Variants in ECHDC1 observed in about 807,000 individuals in gnomAD.
ECHDC1 encodes the protein ethylmalonyl-CoA decarboxylase 1.
Under a neutral mutation model 29.7 loss-of-function variants are expected in ECHDC1, and 29 were observed. The ratio of observed to expected loss-of-function variants is 0.98; its 90% confidence interval spans 0.73 to 1.33. ECHDC1 has a LOEUF of 1.33. ECHDC1 is among the 40% of genes most tolerant of loss of function. The pLI is 0.00. For synonymous variants in ECHDC1, 126 were observed against 123.1 expected (o/e 1.02, Z -0.15); for missense variants, 328 against 350.0 (o/e 0.94, Z 0.50).
intron 1 of ECHDC1, chr6:127,342,564 G>C: frequency 1.9e-6 from 1 of 533,358 alleles, no homozygotes; most frequent in East Asian, 3.0e-5. Flanking sequence ...TGTTCCAAGA[G>C]AATGCTAGCT....
At chr6:127,302,268 G>A (rs1026852807) in intron 5 of ECHDC1, among the ~76,000 whole-genome samples, 6 of 152,064 alleles carry the variant, frequency 3.9e-5, no homozygotes, top group South Asian at 2.1e-4. Flanking sequence ...TCTAATAAAG[G>A]TGAACACCGG....
At chr6:127,297,905 C>T (rs1356309329) in intron 5 of ECHDC1, among the ~76,000 whole-genome samples, 1 of 152,142 alleles carries the variant, frequency 6.6e-6, no homozygotes, top group African/African-American at 2.4e-5. Context: ...ACTTTGACTC[C>T]AACCTCCCCC....
chr6:127,291,429 G>T (rs1442672612), intron 5 of ECHDC1, among the ~76,000 whole-genome samples: 1 of 151,930 alleles, frequency 6.6e-6, no homozygotes, highest in Non-Finnish European at 1.5e-5. Flanking sequence ...ATTGATAGTG[G>T]CTTGGATTAG....
At chr6:127,306,196 A>C (rs193113210) in intron 5 of ECHDC1, among the ~76,000 whole-genome samples, 2 of 152,134 alleles carry the variant, frequency 1.3e-5, no homozygotes, top group African/African-American at 4.8e-5. Context: ...AAAAATTGTT[A>C]AGAAGAGATG....
chr6:127,342,452 C>A, intron 1 of ECHDC1: 1 of 1,416,764 alleles, frequency 7.1e-7, no homozygotes, highest in South Asian at 1.4e-5. Context: ...GCCTTTCAGG[C>A]CAGAACCCAA....
intron 5 of ECHDC1, among the ~76,000 whole-genome samples, chr6:127,293,739 A>G (rs61157174): frequency 6.6e-6 from 1 of 152,328 alleles, no homozygotes; most frequent in East Asian, 1.9e-4. Flanking sequence ...GATACATAAT[A>G]AACTCTGTAT....
In ECHDC1 at chr6:127,316,516, T is replaced by C. The variant is rs753320974; in HGVS notation, c.364-14A>G. The C allele has an allele frequency of 6.3e-7, 1 of 1,593,262 alleles. No individual in the cohort carries two copies. The highest frequency in any genetic ancestry group is 1.2e-5 in the South Asian group (1 of 86,530). On this transcript the variant is annotated splice_polypyrimidine_tract_variant and intron_variant, in intron 3 of 5. Transcript: ENST00000454859. ...GGCCATTCCATCCTTTAAATAAAAATAAGCAGAAACACAAAGGTATAATGC... is the reference window on the plus strand; with the variant it reads ...GGCCATTCCATCCTTTAAATAAAAACAAGCAGAAACACAAAGGTATAATGC...
intron 1 of ECHDC1, chr6:127,343,113 G>C (rs3756996): frequency 0.74 from 111,872 of 152,078 alleles, 41,306 homozygotes; most frequent in East Asian, 0.77. Context: ...TTCCCCGGCC[G>C]GCGCACAGCC....
At chr6:127,322,341 A>T (rs529271373) in intron 3 of ECHDC1, among the ~76,000 whole-genome samples, 6 of 152,142 alleles carry the variant, frequency 3.9e-5, no homozygotes, top group Non-Finnish European at 8.8e-5. Flanking sequence ...TTTAAATAAA[A>T]TAAGATTCTG....
intron 3 of ECHDC1, among the ~76,000 whole-genome samples, chr6:127,321,965 T>C (rs1782861810): frequency 6.6e-6 from 1 of 151,810 alleles, no homozygotes; most frequent in Non-Finnish European, 1.5e-5. Context: ...ATCACACCAC[T>C]GTACTCCAGC....
intron 5 of ECHDC1, among the ~76,000 whole-genome samples, chr6:127,298,946 G>A (rs1416498996): frequency 1.3e-5 from 2 of 151,780 alleles, no homozygotes; most frequent in Non-Finnish European, 2.9e-5. Flanking sequence ...TGCCATAATG[G>A]CTCAATGCAG....
In ECHDC1 at chr6:127,289,805, A is replaced by AT; in HGVS notation, c.*63dup. The AT allele has an allele frequency of 7.0e-7, 1 of 1,428,844 alleles. No homozygotes were observed. The highest frequency in any genetic ancestry group is 1.4e-5 in the South Asian group (1 of 71,942). 88.5% of individuals were successfully genotyped at this position (1,428,844 alleles called of 1,614,324 possible). A position where few individuals can be genotyped will look rare whatever the true frequency, so the allele number is the denominator to read the frequency against. On this transcript the variant is annotated 3_prime_UTR_variant, in exon 6 of 6. Transcript: ENST00000454859. The stretch of plus-strand genomic sequence containing the variant: ...AATTCTGATGTTCATATTTAATATC[A>AT]TTTAACATTTATACATATTAGTCAC...
chr6:127,305,263 T>C (rs562703995), intron 5 of ECHDC1, among the ~76,000 whole-genome samples: 1 of 152,266 alleles, frequency 6.6e-6, no homozygotes, highest in African/African-American at 2.4e-5. Context: ...CAGGAGAGAA[T>C]GGTACGACAT....
At chr6:127,333,610 G>C (rs1784157385) in intron 1 of ECHDC1, among the ~76,000 whole-genome samples, 2 of 149,834 alleles carry the variant, frequency 1.3e-5, no homozygotes, top group Admixed American at 6.7e-5. Flanking sequence ...ACTATCAGTA[G>C]CTTGAAATTG....
At chr6:127,290,784 C>T (rs1019215545) in intron 5 of ECHDC1, among the ~76,000 whole-genome samples, 29 of 152,046 alleles carry the variant, frequency 1.9e-4, no homozygotes, top group African/African-American at 7.0e-4. Context: ...CAAAACAAAA[C>T]CCTTGTGCTC....
intron 5 of ECHDC1, among the ~76,000 whole-genome samples, chr6:127,291,276 C>CTTTTT (rs57066162): frequency 1.1e-4 from 15 of 133,258 alleles, no homozygotes; most frequent in African/African-American, 1.9e-4. Context: ...GCTCTTATAC[C>CTTTTT]TTTTTTTTTT....
At position 127,314,966 on chromosome 6, in the gene ECHDC1, A is replaced by T. The variant is rs765328292; in HGVS notation, c.417-70T>A. 33 of 1,436,494 alleles carry T rather than the reference A, an allele frequency of 2.3e-5. No individual in the cohort carries two copies. The Admixed American group carries it at 4.7e-4, about 21-fold the overall frequency. 89.0% of individuals were successfully genotyped at this position (1,436,494 alleles called of 1,614,324 possible). ...TATTCATTTACAAATGTTATTTTTT[A>T]AAAAATCTTAAAATGCAGTGGAAAC... On this transcript the variant is annotated intron_variant, in intron 4 of 5. Transcript: ENST00000454859.
intron 5 of ECHDC1, among the ~76,000 whole-genome samples, chr6:127,305,545 G>A (rs1781375532): frequency 6.6e-6 from 1 of 151,840 alleles, no homozygotes; most frequent in Non-Finnish European, 1.5e-5. Context: ...CACTGTAACT[G>A]TGTCTTATCT....
intron 1 of ECHDC1, among the ~76,000 whole-genome samples, chr6:127,334,244 A>G (rs951003984): frequency 6.6e-6 from 1 of 152,142 alleles, no homozygotes; most frequent in African/African-American, 2.4e-5. Flanking sequence ...TACTTCACGT[A>G]AAACCCATTA....
Sources: gnomAD v4.1 joint callset for allele counts (sites outside exome capture counted in the v4.1 genomes callset) on GRCh38, gnomAD v4.1.1 for gene constraint, MANE v1.5 for transcripts, NCBI Gene and HGNC (gene_info 2026-07-23, HGNC 2026-07-21) for gene names.